COL25A1: variants seen among roughly 807,000 people sequenced by gnomAD.
COL25A1 encodes the protein collagen alpha-1(XXV) chain.
COL25A1 carries 103 observed loss-of-function variants against 128.4 expected under a neutral mutation model. The ratio of observed to expected loss-of-function variants is 0.80; its 90% CI spans 0.68 to 0.94. COL25A1 has a LOEUF of 0.94. Ranked by LOEUF, COL25A1 falls within the 40% of genes least tolerant of loss-of-function variation. The pLI is 0.00. For synonymous variants in COL25A1, 279 were observed against 277.2 expected (o/e 1.01, Z -0.06); for missense variants, 745 against 840.0 (o/e 0.89, Z 1.40).
At chr4:108,963,576 A>G (rs972900888) in intron 8 of COL25A1, among the ~76,000 whole-genome samples, 3 of 152,112 alleles carry the variant, frequency 2.0e-5, no homozygotes, top group East Asian at 1.9e-4. Context: ...ATGGCTCTAC[A>G]TTACATGAAT....
At chr4:109,069,516 G>C (rs753746721) in intron 3 of COL25A1, among the ~76,000 whole-genome samples, 4 of 152,112 alleles carry the variant, frequency 2.6e-5, no homozygotes, top group Admixed American at 1.3e-4. Flanking sequence ...AAAGTACGTG[G>C]AATTTCACGT....
chr4:109,110,038 T>C (rs1354056871), intron 3 of COL25A1, among the ~76,000 whole-genome samples: 1 of 152,214 alleles, frequency 6.6e-6, no homozygotes, highest in African/African-American at 2.4e-5. Context: ...TGTACGAATT[T>C]GTGTTTTCAT....
intron 3 of COL25A1, among the ~76,000 whole-genome samples, chr4:109,091,490 C>T (rs1239870285): frequency 6.6e-6 from 1 of 152,038 alleles, no homozygotes; most frequent in African/African-American, 2.4e-5. Context: ...TTGTTTAAAC[C>T]GTTATTTTCA....
chr4:109,142,873 CTG>C (rs1770557425), intron 3 of COL25A1, among the ~76,000 whole-genome samples: 1 of 152,048 alleles, frequency 6.6e-6, no homozygotes, highest in Non-Finnish European at 1.5e-5. Context: ...ATTTGCCAGT[CTG>C]TGTCTTTTCA....
intron 3 of COL25A1, among the ~76,000 whole-genome samples, chr4:109,133,663 A>G (rs1400973101): frequency 6.6e-6 from 1 of 152,198 alleles, no homozygotes; most frequent in Non-Finnish European, 1.5e-5. Context: ...AACTTAAATT[A>G]TTACTGCAAC....
At chr4:109,079,088 G>T (rs1167619881) in intron 3 of COL25A1, among the ~76,000 whole-genome samples, 1 of 152,232 alleles carries the variant, frequency 6.6e-6, no homozygotes, top group Admixed American at 6.5e-5. Flanking sequence ...CTAGGTTACT[G>T]TGCTTTTTCA....
At chr4:109,116,772 A>G (rs1472680802) in intron 3 of COL25A1, among the ~76,000 whole-genome samples, 1 of 152,060 alleles carries the variant, frequency 6.6e-6, no homozygotes, top group Non-Finnish European at 1.5e-5. Context: ...ATAATATGCA[A>G]GGAGAGATGA....
In COL25A1 at chr4:108,825,239, G is replaced by T. The variant is rs202005617; in HGVS notation, c.1765-17C>A. ...ATCTTTCCCCTGCCAAAGAACCATA[G>T]TAGCTACATTAGTGTTTCTAAGTTT... On this transcript the variant is annotated splice_polypyrimidine_tract_variant and intron_variant, in intron 33 of 37. Coordinates refer to ENST00000399132, the MANE Select transcript of COL25A1 (RefSeq NM_198721.4). 71 of 1,609,532 alleles carry T rather than the reference G, an allele frequency of 4.4e-5. No individual in the cohort carries two copies. The Admixed American group carries it at 1.2e-3, about 26-fold the overall frequency.
intron 8 of COL25A1, among the ~76,000 whole-genome samples, chr4:108,942,433 C>G (rs1748225456): frequency 6.6e-6 from 1 of 151,602 alleles, no homozygotes; most frequent in African/African-American, 2.4e-5. Context: ...CATAAGGCCC[C>G]AAAATAAACC....
intron 3 of COL25A1, among the ~76,000 whole-genome samples, chr4:109,156,332 G>A (rs977499026): frequency 1.3e-5 from 2 of 152,164 alleles, no homozygotes; most frequent in African/African-American, 2.4e-5. Flanking sequence ...CTCAAATACC[G>A]AAAGCCGGCT....
At chr4:109,133,593 G>A (rs1769423102) in intron 3 of COL25A1, among the ~76,000 whole-genome samples, 1 of 152,220 alleles carries the variant, frequency 6.6e-6, no homozygotes, top group East Asian at 1.9e-4. Flanking sequence ...AATATCAATA[G>A]TTATTATGTT....
intron 21 of COL25A1, 137 bp downstream of exon 21, chr4:108,863,182 C>T: frequency 1.3e-6 from 1 of 798,570 alleles, no homozygotes; most frequent in Non-Finnish European, 2.1e-6. Flanking sequence ...TTGAAAAGAA[C>T]CAGTTGGTGT....
At chr4:109,219,301 C>G (rs371647366) in intron 3 of COL25A1, among the ~76,000 whole-genome samples, 1 of 152,098 alleles carries the variant, frequency 6.6e-6, no homozygotes, top group African/African-American at 2.4e-5. Flanking sequence ...GGTTTCTAGT[C>G]CAGTGTACTC....
chr4:109,051,620 T>TACACACACACAC (rs61340199), intron 3 of COL25A1, among the ~76,000 whole-genome samples: 1 of 148,448 alleles, frequency 6.7e-6, no homozygotes, highest in Non-Finnish European at 1.5e-5. Flanking sequence ...CACACATACA[T>TACACACACACAC]ACACACACAC....
intron 31 of COL25A1, among the ~76,000 whole-genome samples, chr4:108,841,370 A>G (rs1283697865): frequency 6.6e-6 from 1 of 152,316 alleles, no homozygotes; most frequent in Non-Finnish European, 1.5e-5. Flanking sequence ...ACACCATTAA[A>G]AAAAAGCATC....
intron 24 of COL25A1, among the ~76,000 whole-genome samples, chr4:108,859,241 A>C (rs1736879234): frequency 6.6e-6 from 1 of 152,186 alleles, no homozygotes; most frequent in African/African-American, 2.4e-5. Flanking sequence ...ACTGAGGCAC[A>C]GAGAAGTGAA....
At chr4:108,848,540 T>C (rs1735374394) in intron 27 of COL25A1, among the ~76,000 whole-genome samples, 1 of 152,180 alleles carries the variant, frequency 6.6e-6, no homozygotes, top group African/African-American at 2.4e-5. Context: ...TAGGTTGATA[T>C]AAAGTATTAA....
intron 3 of COL25A1, among the ~76,000 whole-genome samples, chr4:109,196,551 A>G (rs576666151): frequency 6.6e-6 from 1 of 152,202 alleles, no homozygotes. Context: ...AGAATTCCAT[A>G]CAACAATCTG....
chr4:109,036,330 C>A (rs1187616753), intron 5 of COL25A1, among the ~76,000 whole-genome samples: 1 of 152,120 alleles, frequency 6.6e-6, no homozygotes, highest in Non-Finnish European at 1.5e-5. Context: ...GGGATATAGT[C>A]AGACAAAGGA....
Sources: allele counts gnomAD v4.1 joint callset (sites outside exome capture counted in the v4.1 genomes callset), GRCh38; gene constraint gnomAD v4.1.1; transcripts MANE v1.5; gene names NCBI Gene and HGNC (gene_info 2026-07-23, HGNC 2026-07-21).